The following KCNQ3 variants were observed in gnomAD, a reference collection of about 807,000 sequenced individuals.
The protein encoded by KCNQ3 is potassium voltage-gated channel subfamily Q member 3.
KCNQ3 carries 30 observed loss-of-function variants against 92.5 expected under a neutral mutation model. That is an observed-to-expected ratio of 0.32 (90% confidence interval 0.24 to 0.44). The LOEUF (loss-of-function observed/expected upper bound fraction) is 0.44, where lower values mean the gene tolerates loss of function less well. KCNQ3 is among the 20% of genes least tolerant of loss of function. KCNQ3 has a pLI of 1.00. For synonymous variants in KCNQ3, 450 were observed against 468.8 expected (o/e 0.96, Z 0.52); for missense variants, 913 against 1,140.3 (o/e 0.80, Z 2.87).
At chr8:132,267,460 G>A (rs1347111531) in intron 1 of KCNQ3, among the ~76,000 whole-genome samples, 3 of 152,126 alleles carry the variant, frequency 2.0e-5, no homozygotes, top group African/African-American at 7.2e-5. Flanking sequence ...TCTGCTGACG[G>A]CTTGCAGATT....
intron 5 of KCNQ3, 78 bp downstream of exon 5, chr8:132,175,375 G>C (rs561249770): frequency 6.7e-7 from 1 of 1,498,138 alleles, no homozygotes; most frequent in South Asian, 1.1e-5. Flanking sequence ...GGCTGAACAT[G>C]CTCATGTGAT....
intron 1 of KCNQ3, among the ~76,000 whole-genome samples, chr8:132,392,779 A>G: frequency 7.9e-6 from 1 of 127,350 alleles, no homozygotes; most frequent in South Asian, 3.0e-4. Flanking sequence ...GGAACAAAGC[A>G]GAACCTGTCT....
chr8:132,377,724 C>T (rs1387206451), intron 1 of KCNQ3, among the ~76,000 whole-genome samples: 1 of 152,206 alleles, frequency 6.6e-6, no homozygotes, highest in East Asian at 1.9e-4. Context: ...GTGGAATTAT[C>T]TTCAAATATG....
At chr8:132,198,139 G>T (rs547854339) in intron 1 of KCNQ3, among the ~76,000 whole-genome samples, 2 of 152,308 alleles carry the variant, frequency 1.3e-5, no homozygotes, top group South Asian at 4.1e-4. Flanking sequence ...TGCTGGCTTT[G>T]AAGTTGCTGT....
chr8:132,207,724 T>C (rs1479428982), intron 1 of KCNQ3, among the ~76,000 whole-genome samples: 3 of 151,918 alleles, frequency 2.0e-5, no homozygotes, highest in African/African-American at 7.3e-5. Context: ...TTTTATCCCA[T>C]TAGCACCTTT....
chr8:132,392,712 G>T (rs1478039078), intron 1 of KCNQ3, among the ~76,000 whole-genome samples: 1 of 140,984 alleles, frequency 7.1e-6, no homozygotes, highest in Admixed American at 7.8e-5. Context: ...GAGGCGGGAG[G>T]ATCACTTGGG....
intron 1 of KCNQ3, among the ~76,000 whole-genome samples, chr8:132,403,228 C>T (rs190191395): frequency 2.9e-4 from 24 of 81,580 alleles, no homozygotes; most frequent in Non-Finnish European, 4.0e-4. Context: ...GGCAAGAAAA[C>T]GCCCAAATGA....
chr8:132,179,486 T>C (rs551081605), intron 4 of KCNQ3, among the ~76,000 whole-genome samples: 1 of 152,220 alleles, frequency 6.6e-6, no homozygotes, highest in African/African-American at 2.4e-5. Context: ...GTCAGTGTAA[T>C]GGAGTGGCAA....
chr8:132,467,903 T>G (rs1470385578), intron 1 of KCNQ3, among the ~76,000 whole-genome samples: 1 of 152,200 alleles, frequency 6.6e-6, no homozygotes, highest in African/African-American at 2.4e-5. Context: ...GCTGAATGGA[T>G]GCCCGCCTTG....
chr8:132,325,111 C>T (rs775069661), intron 1 of KCNQ3, among the ~76,000 whole-genome samples: 3 of 151,996 alleles, frequency 2.0e-5, no homozygotes, highest in Non-Finnish European at 2.9e-5. Context: ...GCAGAGCTGA[C>T]GCCCACATGG....
At chr8:132,211,830 G>A (rs1813866870) in intron 1 of KCNQ3, among the ~76,000 whole-genome samples, 2 of 151,480 alleles carry the variant, frequency 1.3e-5, no homozygotes, top group African/African-American at 4.9e-5. Flanking sequence ...GCGGACACCT[G>A]TAATCCCAGC....
intron 1 of KCNQ3, among the ~76,000 whole-genome samples, chr8:132,423,334 C>A (rs1821022423): frequency 6.6e-6 from 1 of 152,186 alleles, no homozygotes; most frequent in South Asian, 2.1e-4. Context: ...GAGTTGGGTC[C>A]ACATTCTAGC....
chr8:132,463,995 G>A (rs1424116138), intron 1 of KCNQ3, among the ~76,000 whole-genome samples: 2 of 152,206 alleles, frequency 1.3e-5, no homozygotes, highest in East Asian at 1.9e-4. Context: ...GACTAGCCTG[G>A]CCAACATGGT....
At chr8:132,230,483 A>AG (rs1563815531) in intron 1 of KCNQ3, among the ~76,000 whole-genome samples, 8 of 142,376 alleles carry the variant, frequency 5.6e-5, no homozygotes, top group African/African-American at 2.2e-4. Context: ...GAGAGAGAGA[A>AG]AATCCTTTAA....
At chr8:132,184,143 C>T (rs752100819) in intron 3 of KCNQ3, 98 bp downstream of exon 3, 121 of 1,498,210 alleles carry the variant, frequency 8.1e-5, no homozygotes, top group Admixed American at 2.0e-4. Context: ...CACAGTGCCG[C>T]GTGATTTCCC....
chr8:132,184,146 G>A, intron 3 of KCNQ3, 95 bp downstream of exon 3: 1 of 1,528,868 alleles, frequency 6.5e-7, no homozygotes, highest in Non-Finnish European at 9.0e-7. Flanking sequence ...AGTGCCGCGT[G>A]ATTTCCCAGA....
chr8:132,391,889 T>C (rs1016850496), intron 1 of KCNQ3, among the ~76,000 whole-genome samples: 1 of 152,080 alleles, frequency 6.6e-6, no homozygotes, highest in African/African-American at 2.4e-5. Flanking sequence ...CGAGGGTGGG[T>C]ATGGACACGG....
intron 1 of KCNQ3, among the ~76,000 whole-genome samples, chr8:132,250,033 C>A (rs1262569734): frequency 6.6e-6 from 1 of 152,192 alleles, no homozygotes; most frequent in African/African-American, 2.4e-5. Flanking sequence ...CCACCCGTGC[C>A]TCTCCCTCCA....
chr8:132,282,821 G>A (rs920280234), intron 1 of KCNQ3, among the ~76,000 whole-genome samples: 1 of 152,168 alleles, frequency 6.6e-6, no homozygotes, highest in Non-Finnish European at 1.5e-5. Flanking sequence ...TCCTGATGGG[G>A]AAACCTGCAT....
Sources: allele counts gnomAD v4.1 joint callset (sites outside exome capture counted in the v4.1 genomes callset), GRCh38; gene constraint gnomAD v4.1.1; transcripts MANE v1.5; gene names NCBI Gene and HGNC (gene_info 2026-07-23, HGNC 2026-07-21).